EFCAB3: variants seen among roughly 807,000 people sequenced by gnomAD.
The protein encoded by EFCAB3 is EF-hand calcium-binding domain-containing protein 3.
EFCAB3 carries 36 observed loss-of-function variants against 42.2 expected under a neutral mutation model. The ratio of observed to expected loss-of-function variants is 0.85; its 90% CI spans 0.65 to 1.13. The LOEUF (loss-of-function observed/expected upper bound fraction) is 1.13. EFCAB3 is among the 50% of genes most tolerant of loss of function. EFCAB3 has a pLI of 0.00. For missense variants in EFCAB3, 418 were observed against 505.1 expected, an observed-to-expected ratio of 0.83 and a Z score of 1.65; for synonymous variants, 170 against 172.8, an observed-to-expected ratio of 0.98 and a Z score of 0.13.
chr17:62,414,580 GTT>G (rs1316097682), intron 9 of EFCAB3, among the ~76,000 whole-genome samples: 11 of 72,882 alleles, frequency 1.5e-4, no homozygotes, highest in Non-Finnish European at 3.3e-4. Context: ...TTGTTTGTTT[GTT>G]TTGTGTGTGT....
intron 8 of EFCAB3, among the ~76,000 whole-genome samples, chr17:62,412,605 C>A (rs200133768): frequency 2.8e-4 from 42 of 149,036 alleles, no homozygotes; most frequent in South Asian, 1.3e-3. Context: ...GCTGGGACTA[C>A]AGACACGTGC....
At chr17:62,385,802 C>G (rs779089304) in intron 2 of EFCAB3, among the ~76,000 whole-genome samples, 26 of 149,504 alleles carry the variant, frequency 1.7e-4, no homozygotes, top group Non-Finnish European at 3.5e-4. Flanking sequence ...TCACTGCAAG[C>G]TCCACCTCCT....
intron 1 of EFCAB3, chr17:62,373,682 A>G (rs2070130076): frequency 1.6e-6 from 1 of 616,848 alleles, no homozygotes; most frequent in African/African-American, 1.9e-5. Context: ...TCCAAATTCC[A>G]AAGCAAACCA....
intron 8 of EFCAB3, among the ~76,000 whole-genome samples, chr17:62,412,246 C>G (rs148413081): frequency 6.7e-6 from 1 of 149,804 alleles, no homozygotes; most frequent in African/African-American, 2.5e-5. Flanking sequence ...CATGGTGGCG[C>G]GTGTCTGTAA....
intron 5 of EFCAB3, among the ~76,000 whole-genome samples, chr17:62,394,218 G>C (rs1244799323): frequency 6.6e-6 from 1 of 152,214 alleles, no homozygotes; most frequent in Non-Finnish European, 1.5e-5. Context: ...CTCCCAAAGT[G>C]CTGGGATTAC....
chr17:62,406,376 T>C (rs2070447427), intron 6 of EFCAB3, 104 bp from the exon 7 acceptor site: 1 of 917,256 alleles, frequency 1.1e-6, no homozygotes, highest in Admixed American at 2.9e-5. Context: ...GCAAATTAGA[T>C]TTAAAATAAG....
At position 62,404,561 on chromosome 17, in the gene EFCAB3, C is replaced by T. The variant is rs868202992; in HGVS notation, c.489-1919C>T. ...CCTGTAATCCCAGCACTTTGGGAGG[C>T]CGAGGCGGATGGATCACTTGAGGTT... On this transcript the variant is annotated intron_variant, in intron 6 of 9. Coordinates refer to ENST00000305286, the MANE Select transcript of EFCAB3 (RefSeq NM_173503.4). Among the ~76,000 whole-genome samples the T allele has an allele frequency of 9.9e-5, 15 of 152,232 alleles. 1 individual carries two copies. Among genetic ancestry groups the T allele is most frequent in the Admixed American group, 7.2e-4 (11 of 15,286 alleles).
intron 2 of EFCAB3, among the ~76,000 whole-genome samples, chr17:62,374,325 A>G (rs1480563361): frequency 2.0e-5 from 3 of 152,064 alleles, no homozygotes; most frequent in East Asian, 3.9e-4. Flanking sequence ...ACTGGGCGTC[A>G]TGGTGCGTGC....
intron 8 of EFCAB3, 133 bp downstream of exon 8, chr17:62,407,345 C>T (rs932388212): frequency 6.5e-6 from 5 of 765,480 alleles, no homozygotes; most frequent in African/African-American, 1.8e-5. Context: ...AACCATGTTC[C>T]TAAATTTAAG....
intron 6 of EFCAB3, chr17:62,397,268 G>A (rs186276671): frequency 4.3e-6 from 1 of 233,770 alleles, no homozygotes; most frequent in Non-Finnish European, 8.4e-6. Flanking sequence ...CATATAAATG[G>A]AGACAATTTG....
intron 8 of EFCAB3, among the ~76,000 whole-genome samples, chr17:62,411,142 C>A (rs893966550): frequency 6.6e-6 from 1 of 151,952 alleles, no homozygotes; most frequent in African/African-American, 2.4e-5. Flanking sequence ...CAGCTTATAT[C>A]AAAAATCTTT....
intron 6 of EFCAB3, among the ~76,000 whole-genome samples, chr17:62,401,304 T>A (rs1303725698): frequency 6.6e-6 from 1 of 152,218 alleles, no homozygotes; most frequent in Non-Finnish European, 1.5e-5. Context: ...TAGATCCCAT[T>A]TCTTAATTTT....
chr17:62,374,274 A>G (rs1231626686), intron 2 of EFCAB3, among the ~76,000 whole-genome samples: 3 of 152,186 alleles, frequency 2.0e-5, no homozygotes, highest in Non-Finnish European at 4.4e-5. Flanking sequence ...CAGCCTGACC[A>G]ACATGGTGAA....
chr17:62,379,482 G>A (rs1179094665), upstream of EFCAB3, among the ~76,000 whole-genome samples: 3 of 150,834 alleles, frequency 2.0e-5, no homozygotes, highest in East Asian at 1.9e-4. Flanking sequence ...GTAAATAATT[G>A]TTGAATTAAT....
chr17:62,413,148 G>T lies in EFCAB3; in HGVS notation c.868-584G>T, dbSNP rs527489026. Among the ~76,000 whole-genome samples, 812 of 152,184 alleles carry T rather than the reference G, an allele frequency of 5.3e-3. 11 individuals carry two copies. The highest frequency in any genetic ancestry group is 0.017 in the African/African-American group (710 of 41,540). ...AAAGATATTAATTCCACTGCTTCAA[G>T]ATCAAAAATCTCCATATGGCCAAAA... On this transcript the variant is annotated intron_variant, in intron 8 of 9. Coordinates refer to ENST00000305286, the MANE Select transcript of EFCAB3 (RefSeq NM_173503.4).
chr17:62,411,819 AGG>A (rs776274950), intron 8 of EFCAB3, among the ~76,000 whole-genome samples: 2 of 128,218 alleles, frequency 1.6e-5, no homozygotes, highest in Non-Finnish European at 3.2e-5. Flanking sequence ...GGAGGGAGGG[AGG>A]GAGGGAGGAA....
intron 6 of EFCAB3, chr17:62,397,839 A>G (rs959827975): frequency 4.1e-5 from 12 of 289,418 alleles, no homozygotes; most frequent in Non-Finnish European, 6.6e-5. Context: ...CCTGGCCAAC[A>G]TGGTGAAACC....
In EFCAB3 at chr17:62,391,963, A is replaced by T; in HGVS notation, c.293A>T (p.Asp98Val). The T allele has an allele frequency of 6.3e-7, 1 of 1,597,748 alleles. No homozygotes were observed. Among genetic ancestry groups the T allele is most frequent in the Non-Finnish European group, 8.5e-7 (1 of 1,170,162 alleles). Reference protein sequence around the residue: ...VYNELKCADIDRDGKVNFSDF... With the variant: ...VYNELKCADIVRDGKVNFSDF... ...AATGAATTGAAATGTGCTGATATTGATCGTGAGTCCTTTGGCTTCTCATTG... is the reference window on the plus strand; with the variant it reads ...AATGAATTGAAATGTGCTGATATTGTTCGTGAGTCCTTTGGCTTCTCATTG... The change falls in exon 4 of 10, where the codon GAT becomes GTT. Residue 98 changes from aspartate to valine, a missense_variant and splice_region_variant. Transcript: ENST00000305286.
chr17:62,405,741 T>G (rs2070441961), intron 6 of EFCAB3, among the ~76,000 whole-genome samples: 1 of 152,240 alleles, frequency 6.6e-6, no homozygotes. Flanking sequence ...GCCTGCCAGC[T>G]GTACTTATTC....
Sources: allele counts gnomAD v4.1 joint callset (sites outside exome capture counted in the v4.1 genomes callset), GRCh38; gene constraint gnomAD v4.1.1; transcripts MANE v1.5; gene names NCBI Gene and HGNC (gene_info 2026-07-23, HGNC 2026-07-21).